Variants in HDAC9 observed in about 807,000 individuals in gnomAD.
HDAC9 encodes histone deacetylase 9, also known as MEF-2 interacting transcription repressor (MITR) protein.
Under a neutral mutation model 139.4 loss-of-function variants are expected in HDAC9, and 41 were observed. That is an observed-to-expected ratio of 0.29 (90% CI 0.23 to 0.38). The LOEUF is 0.38. Among genes scored for constraint, HDAC9 ranks in the 10% least tolerant of loss-of-function variants. The pLI, the probability that HDAC9 is intolerant of heterozygous loss-of-function variation, is 1.00. For synonymous variants in HDAC9, 517 were observed against 476.2 expected, an observed-to-expected ratio of 1.09 and a Z score of -1.12; for missense variants, 1,147 against 1,297.0, an observed-to-expected ratio of 0.88 and a Z score of 1.78.
intron 23 of HDAC9, among the ~76,000 whole-genome samples, chr7:18,953,648 G>T (rs542591500): frequency 6.6e-6 from 1 of 152,002 alleles, no homozygotes; most frequent in Admixed American, 6.6e-5. Context: ...TTTATTCAAT[G>T]GCCTTTGAAT....
intron 7 of HDAC9, among the ~76,000 whole-genome samples, chr7:18,632,225 A>G (rs961956675): frequency 3.9e-5 from 6 of 152,056 alleles, no homozygotes; most frequent in Non-Finnish European, 5.9e-5. Flanking sequence ...TAATCAAAAT[A>G]TAAACCAGAT....
intron 1 of HDAC9, among the ~76,000 whole-genome samples, chr7:18,424,439 C>T (rs181534133): frequency 4.6e-5 from 7 of 152,282 alleles, no homozygotes; most frequent in African/African-American, 1.7e-4. Flanking sequence ...TCACTGGACA[C>T]TATACTGGAG....
chr7:18,453,036 A>T (rs557271438), intron 1 of HDAC9, among the ~76,000 whole-genome samples: 19 of 152,194 alleles, frequency 1.2e-4, no homozygotes, highest in African/African-American at 4.6e-4. Flanking sequence ...CTTTTTTCTT[A>T]TTCCTGTGAT....
intron 1 of HDAC9, among the ~76,000 whole-genome samples, chr7:18,356,358 G>GTT (rs5882659): frequency 0.15 from 8,277 of 54,976 alleles, 1,667 homozygotes; most frequent in African/African-American, 0.16. Flanking sequence ...CAGCACATAG[G>GTT]TTTTTTTTTT....
chr7:18,282,980 T>TTTTTTTTTTTTTTTTTTTTG (rs1179585272), intron 2 of HDAC9, among the ~76,000 whole-genome samples: 1 of 151,368 alleles, frequency 6.6e-6, no homozygotes, highest in Non-Finnish European at 1.5e-5. Context: ...TTGAAATTTC[T>TTTTTTTTTTTTTTTTTTTTG]ATCTCAATTT....
intron 15 of HDAC9, among the ~76,000 whole-genome samples, chr7:18,763,568 T>C (rs554361765): frequency 6.6e-6 from 1 of 152,324 alleles, no homozygotes; most frequent in South Asian, 2.1e-4. Flanking sequence ...CTTTCTATTT[T>C]AGAAACCAGT....
chr7:18,716,371 C>T (rs1784700567), intron 12 of HDAC9, among the ~76,000 whole-genome samples: 1 of 152,118 alleles, frequency 6.6e-6, no homozygotes, highest in South Asian at 2.1e-4. Context: ...CTTTACTTTT[C>T]TATTGCAAAA....
chr7:18,820,348 A>G (rs1387806409), intron 17 of HDAC9, among the ~76,000 whole-genome samples: 2 of 152,212 alleles, frequency 1.3e-5, no homozygotes, highest in African/African-American at 4.8e-5. Context: ...TCTTTATGTC[A>G]GAAAAATACT....
intron 1 of HDAC9, among the ~76,000 whole-genome samples, chr7:18,131,711 A>G (rs377449642): frequency 6.6e-6 from 1 of 152,162 alleles, no homozygotes; most frequent in Non-Finnish European, 1.5e-5. Flanking sequence ...TGTTACGAAC[A>G]AGAGAGGAGG....
At chr7:18,718,529 G>T (rs1309532660) in intron 12 of HDAC9, among the ~76,000 whole-genome samples, 5 of 152,162 alleles carry the variant, frequency 3.3e-5, no homozygotes, top group African/African-American at 1.2e-4. Context: ...CACCGTGCCT[G>T]GCAGGTGTGT....
chr7:18,615,693 C>T (rs768482656), intron 6 of HDAC9, among the ~76,000 whole-genome samples: 5 of 152,118 alleles, frequency 3.3e-5, no homozygotes, highest in Non-Finnish European at 5.9e-5. Context: ...TTAATTCCTA[C>T]TACATTACCT....
At chr7:18,715,637 TTGACCCAGCATG>T (rs1784647575) in intron 12 of HDAC9, among the ~76,000 whole-genome samples, 1 of 152,138 alleles carries the variant, frequency 6.6e-6, no homozygotes, top group African/African-American at 2.4e-5. Flanking sequence ...TCCTACTTAC[TTGACCCAGCATG>T]TGATATGTCT....
chr7:18,876,194 G>A (rs1799308497), intron 22 of HDAC9, among the ~76,000 whole-genome samples: 1 of 152,106 alleles, frequency 6.6e-6, no homozygotes, highest in African/African-American at 2.4e-5. Flanking sequence ...ACCACTTCTA[G>A]GTTTAGTAGA....
intron 1 of HDAC9, among the ~76,000 whole-genome samples, chr7:18,411,654 C>T (rs865871874): frequency 4.6e-5 from 7 of 151,956 alleles, no homozygotes; most frequent in African/African-American, 9.6e-5. Context: ...GGATTACAGG[C>T]GTAAGCCACT....
At chr7:18,854,159 A>G (rs1797504497) in intron 21 of HDAC9, among the ~76,000 whole-genome samples, 3 of 152,328 alleles carry the variant, frequency 2.0e-5, no homozygotes, top group Admixed American at 2.0e-4. Flanking sequence ...AGACTTCACC[A>G]GAAATGTACC....
At chr7:18,483,952 G>A (rs1007922988) in intron 1 of HDAC9, among the ~76,000 whole-genome samples, 8 of 134,778 alleles carry the variant, frequency 5.9e-5, no homozygotes, top group African/African-American at 2.2e-4. Flanking sequence ...ATTCTACTAT[G>A]TAATGATCTA....
intron 1 of HDAC9, among the ~76,000 whole-genome samples, chr7:18,373,990 G>C (rs1368021154): frequency 6.6e-6 from 1 of 151,740 alleles, no homozygotes; most frequent in Non-Finnish European, 1.5e-5. Flanking sequence ...TGTAAAAAAT[G>C]TTACAATATG....
intron 12 of HDAC9, among the ~76,000 whole-genome samples, chr7:18,675,852 T>G (rs1490763128): frequency 6.6e-6 from 1 of 152,026 alleles, no homozygotes; most frequent in Non-Finnish European, 1.5e-5. Flanking sequence ...GTGAGTACAT[T>G]ACTCCTCTTC....
At chr7:18,250,462 T>C (rs1794847533) in intron 2 of HDAC9, among the ~76,000 whole-genome samples, 1 of 152,204 alleles carries the variant, frequency 6.6e-6, no homozygotes, top group South Asian at 2.1e-4. Context: ...ACATCTGGCT[T>C]TCCATCATCC....
Sources: allele counts gnomAD v4.1 joint callset (sites outside exome capture counted in the v4.1 genomes callset), GRCh38; gene constraint gnomAD v4.1.1; transcripts MANE v1.5; gene names NCBI Gene and HGNC (gene_info 2026-07-23, HGNC 2026-07-21).